The following ANKRD30A variants were observed in gnomAD, a reference collection of about 807,000 sequenced individuals.
ANKRD30A encodes ankyrin repeat domain 30A, also known as ankyrin repeat domain-containing protein 30A.
Under a neutral mutation model 166.3 loss-of-function variants are expected in ANKRD30A, and 170 were observed. The observed-to-expected ratio is 1.02, with a 90% CI of 0.90 to 1.16. The LOEUF is 1.16. ANKRD30A is among the 50% of genes most tolerant of loss of function. The pLI is 0.00. For synonymous variants in ANKRD30A, 564 were observed against 508.9 expected (o/e 1.11, Z -1.46); for missense variants, 1,630 against 1,518.0 (o/e 1.07, Z -1.23).
chr10:37,257,150 C>G, the ANKRD30A span, among the ~76,000 whole-genome samples: 5 of 151,708 alleles, frequency 3.3e-5, no homozygotes, highest in African/African-American at 1.2e-4. Flanking sequence ...GGAATTTATC[C>G]ATTTCTTCTA....
intron 1 of ANKRD30A, among the ~76,000 whole-genome samples, chr10:37,129,521 T>C (rs1207371370): frequency 6.6e-6 from 1 of 152,210 alleles, no homozygotes. Context: ...ATACTTTGCA[T>C]AGATTCCCAT....
intron 15 of ANKRD30A, among the ~76,000 whole-genome samples, chr10:37,160,109 A>T (rs1480253691): frequency 6.6e-6 from 1 of 152,138 alleles, no homozygotes; most frequent in Non-Finnish European, 1.5e-5. Flanking sequence ...CTCTGCTTTG[A>T]TTTAAGGCCT....
intron 34 of ANKRD30A, among the ~76,000 whole-genome samples, chr10:37,220,235 T>C (rs1279256992): frequency 1.3e-5 from 2 of 150,624 alleles, no homozygotes; most frequent in Admixed American, 1.3e-4. Context: ...AAGGTTTTAA[T>C]GTCTCTTTGT....
chr10:37,142,116 A>T lies in ANKRD30A; in HGVS notation c.1219A>T (p.Thr407Ser), dbSNP rs771060239. ...CGCAAAAGAAACATCTGAGAAATTT[A>T]CGTGGGCAGCAAAAGGAAGACCTAG... The part of the protein sequence containing the change: ...SPAKETSEKF[T>S]WAAKGRPRKI... Residue 407 changes from threonine (T) to serine (S), a missense_variant, in exon 7 of 36, where the codon ACG becomes TCG. Physicochemically the swap from Thr to Ser is moderately conservative, Grantham distance 58. Transcript: ENST00000361713. The T allele has an allele frequency of 4.3e-6, 7 of 1,613,624 alleles. No homozygotes were observed. The Admixed American group carries it at 8.3e-5, about 19-fold the overall frequency.
At chr10:37,192,648 G>A (rs1275157253) in intron 25 of ANKRD30A, among the ~76,000 whole-genome samples, 3 of 151,836 alleles carry the variant, frequency 2.0e-5, no homozygotes, top group African/African-American at 7.3e-5. Flanking sequence ...TGATTCTGAC[G>A]TGTTTCCTTA....
the ANKRD30A span, chr10:37,248,268 AC>A: frequency 1.6e-5 from 9 of 563,856 alleles, no homozygotes; most frequent in Admixed American, 1.8e-4. Flanking sequence ...CAGAATTGTC[AC>A]CTCAAAAAGG....
At chr10:37,240,120 T>A in the ANKRD30A span, among the ~76,000 whole-genome samples, 1 of 152,164 alleles carries the variant, frequency 6.6e-6, no homozygotes, top group African/African-American at 2.4e-5. Context: ...ATAGATAGTA[T>A]GCTAATTATT....
At position 37,219,773 on chromosome 10, in the gene ANKRD30A, T is replaced by C. The variant is rs1191233486; in HGVS notation, c.4061T>C (p.Ile1354Thr). The change falls in exon 34 of 36, where the codon ATT (isoleucine) becomes ACT (threonine). Residue 1354 changes from isoleucine (I) to threonine (T), a missense_variant. Ile to Thr is a moderately conservative substitution (Grantham distance 89, BLOSUM62 -1). Around this residue, in one of 4 missense-constraint regions of ANKRD30A, gnomAD observed 712 missense variants for 629.3 expected, o/e 1.13. Transcript: ENST00000361713. ...AACAAAAGCAAGATAACAATTGATA[T>C]TCATTTTCTTGAGAGGAAAATGCAA... ...ADNKSKITID[I>T]HFLERKMQHH... 1.4e-5 allele frequency: 22 copies of C among 1,608,084 alleles called. No individual in the cohort carries two copies. Among genetic ancestry groups the C allele is most frequent in the Non-Finnish European group, 1.6e-5 (19 of 1,176,466 alleles).
intron 31 of ANKRD30A, among the ~76,000 whole-genome samples, chr10:37,204,944 A>G (rs1310600655): frequency 2.0e-5 from 3 of 152,136 alleles, no homozygotes; most frequent in Non-Finnish European, 2.9e-5. Flanking sequence ...AAAAGTCAGG[A>G]AACAACAGGT....
rs1767369 is a variant in ANKRD30A at position 37,166,905 on chromosome 10, G to A, written c.2155+210G>A. On this transcript the variant is annotated intron_variant, in intron 19 of 35. Transcript: ENST00000361713. ...TGAAGCGGAGCTGAATTACTAGTTT[G>A]AATTCAAGATATTCCAAGACGTGAG... is the stretch of plus-strand genomic sequence containing the variant. 1.2e-3 allele frequency among the ~76,000 whole-genome samples: 189 copies of A among 152,016 alleles called. 1 individual carries two copies. The highest frequency in any genetic ancestry group is 4.4e-3 in the African/African-American group (182 of 41,418).
rs1283101544 is a variant in ANKRD30A, at chr10:37,125,811, T to C, written c.24T>C (p.Ala8=). 1.3e-6 allele frequency: 1 copy of C among 768,000 alleles called. No individual in the cohort carries two copies. The highest frequency in any genetic ancestry group is 2.2e-6 in the Non-Finnish European group (1 of 464,882). 47.6% of individuals were successfully genotyped at this position (768,000 alleles called of 1,614,324 possible). A position where few individuals can be genotyped will look rare whatever the true frequency, so the allele number is the denominator to read the frequency against. The change falls in exon 1 of 36, where the codon GCT becomes GCC. Residue 8 remains alanine, a synonymous_variant. Coordinates refer to ENST00000361713, the MANE Select transcript of ANKRD30A (RefSeq NM_052997.3). ...CCATGGAGGAGATCTCTGCCGCCGC[T>C]GTCAAGGTCGTGCCGGGCCCGGAGC... MEEISAA[A]VKVVPGPERP... is the part of the protein sequence containing the mutation.
chr10:37,201,682 A>C (rs1449903016), intron 31 of ANKRD30A, among the ~76,000 whole-genome samples: 2 of 152,110 alleles, frequency 1.3e-5, no homozygotes, highest in African/African-American at 4.8e-5. Context: ...AGGATGATGA[A>C]ATGATTGTTT....
In ANKRD30A at chr10:37,217,842, T is replaced by C. The variant is rs1173746283; in HGVS notation, c.3231T>C (p.Asp1077=). 1.9e-5 allele frequency: 30 copies of C among 1,592,464 alleles called. No individual in the cohort carries two copies. Among genetic ancestry groups the C allele is most frequent in the African/African-American group, 9.5e-5 (7 of 73,358 alleles). Residue 1077 remains aspartate, a synonymous_variant, in exon 33 of 36, where the codon GAT becomes GAC. Transcript: ENST00000361713. The part of the protein sequence containing the change: ...QQLEQALRIQ[D]IELKSVESNL... ...TTGAACAGGCTCTCAGAATACAAGA[T>C]ATAGAATTGAAGAGTGTAGAAAGTA...
At chr10:37,129,243 C>T (rs1564460979) in intron 1 of ANKRD30A, among the ~76,000 whole-genome samples, 1 of 152,062 alleles carries the variant, frequency 6.6e-6, no homozygotes, top group East Asian at 1.9e-4. Context: ...ATTTTATGCA[C>T]CAATAAAAGA....
chr10:37,159,471 T>C (rs577041370), intron 15 of ANKRD30A, among the ~76,000 whole-genome samples: 1 of 152,212 alleles, frequency 6.6e-6, no homozygotes, highest in East Asian at 1.9e-4. Flanking sequence ...TGAGCCGTCC[T>C]TTTGCCACTT....
chr10:37,171,498 T>C (rs1839560079), intron 21 of ANKRD30A, among the ~76,000 whole-genome samples: 1 of 151,446 alleles, frequency 6.6e-6, no homozygotes, highest in South Asian at 2.1e-4. Context: ...TAGTTTACAC[T>C]TTTTAGAAAA....
Position 37,201,303 on chromosome 10 carries a change from T to A in ANKRD30A, c.2847T>A (p.Asp949Glu). The change falls in exon 31 of 36, where the codon GAT (aspartate) becomes GAA (glutamate). Residue 949 changes from aspartate (D) to glutamate (E), a missense_variant. Physicochemically the swap from Asp to Glu is conservative, Grantham distance 45. Transcript: ENST00000361713. ...VPKATHQKEM[D>E]KISGKLEDST... The stretch of plus-strand genomic sequence containing the variant: ...AGGCTACACATCAAAAAGAAATGGA[T>A]AAAATAAGTGGAAAATTAGAAGGTA... The A allele has an allele frequency of 6.3e-7, 1 of 1,590,812 alleles. No individual in the cohort carries two copies. The highest frequency in any genetic ancestry group is 8.5e-7 in the Non-Finnish European group (1 of 1,170,258).
intron 17 of ANKRD30A, among the ~76,000 whole-genome samples, chr10:37,163,093 T>G (rs1467521446): frequency 2.6e-5 from 4 of 151,740 alleles, no homozygotes; most frequent in Non-Finnish European, 5.9e-5. Context: ...ACTGTAATGT[T>G]TTCTATTTTG....
chr10:37,193,154 A>T, intron 26 of ANKRD30A, 32 bp from the exon 27 acceptor site: 1 of 1,608,376 alleles, frequency 6.2e-7, no homozygotes, highest in South Asian at 1.1e-5. Context: ...TATACATTGT[A>T]TATTAATTGT....
Sources: gnomAD v4.1 joint callset for allele counts (sites outside exome capture counted in the v4.1 genomes callset) on GRCh38, gnomAD v4.1.1 for gene constraint, gnomAD v4.1.1 regional missense constraint, MANE v1.5 for transcripts, NCBI Gene and HGNC (gene_info 2026-07-23, HGNC 2026-07-21) for gene names.